Variants in CECR2 observed in about 807,000 individuals in gnomAD.
CECR2 encodes the protein CECR2 histone acetyl-lysine reader.
In CECR2, 30 loss-of-function variants were observed where a neutral mutation model predicts 154.5. The observed-to-expected ratio is 0.19, with a 90% CI of 0.15 to 0.26. CECR2 has a LOEUF of 0.26. Ranked by LOEUF, CECR2 falls within the 10% of genes least tolerant of loss-of-function variation. CECR2 has a pLI of 1.00. For missense variants in CECR2, 1,743 were observed against 1,829.3 expected (o/e 0.95, Z 0.86); for synonymous variants, 725 against 683.7 (o/e 1.06, Z -0.94).
chr22:17,528,302 G>A (rs1010794228), intron 9 of CECR2, among the ~76,000 whole-genome samples: 1 of 152,144 alleles, frequency 6.6e-6, no homozygotes, highest in Admixed American at 6.6e-5. Context: ...AATAAGACAG[G>A]CACAGAAAGA....
At chr22:17,534,919 G>A (rs1430746796) in intron 9 of CECR2, among the ~76,000 whole-genome samples, 3 of 150,546 alleles carry the variant, frequency 2.0e-5, no homozygotes, top group Non-Finnish European at 4.4e-5. Flanking sequence ...GGGAGGTCGA[G>A]GCAGGTGGAT....
rs200209263 is a variant in CECR2, at chr22:17,401,526, AC to A, written c.126+31618del. ...TGACCCCCCCAATCTGCTTTCTGTT[AC>A]TGTATGTTAGTTTACATTTCCTAGA... On this transcript the variant is annotated intron_variant, in intron 1 of 18. Coordinates refer to ENST00000262608, the MANE Select transcript of CECR2 (RefSeq NM_001290047.2). Among the ~76,000 whole-genome samples the A allele has an allele frequency of 5.6e-3, 847 of 150,210 alleles. 18 individuals carry two copies. Among genetic ancestry groups the A allele is most frequent in the African/African-American group, 0.02 (812 of 40,742 alleles).
chr22:17,420,691 G>A (rs183694066), intron 1 of CECR2, among the ~76,000 whole-genome samples: 24 of 152,138 alleles, frequency 1.6e-4, no homozygotes, highest in South Asian at 2.1e-4. Flanking sequence ...AAAAAATGAG[G>A]TTGTGTTATG....
intron 1 of CECR2, among the ~76,000 whole-genome samples, chr22:17,406,994 T>C (rs1601302255): frequency 6.6e-6 from 1 of 152,206 alleles, no homozygotes; most frequent in Admixed American, 6.5e-5. Flanking sequence ...GGGAAGCACC[T>C]TGTATAAGAA....
rs905239082 is a variant in CECR2, at chr22:17,557,295, C to G, written c.*4455C>G. On this transcript the variant is annotated 3_prime_UTR_variant, in exon 19 of 19. Coordinates refer to ENST00000262608, the MANE Select transcript of CECR2 (RefSeq NM_001290047.2). The stretch of plus-strand genomic sequence containing the variant: ...TCCCAAGTAGCTGGGACTACAAGCG[C>G]GCACCACCACTCCCAGCTAATTTTT... 6.6e-6 allele frequency: 1 copy of G among 151,944 alleles called. No individual in the cohort carries two copies. The allele number at this position is 151,944 out of a possible 1,614,324, so 9.4% of individuals were successfully genotyped here. A position where few individuals can be genotyped will look rare whatever the true frequency, so the allele number is the denominator to read the frequency against.
Position 17,457,388 on chromosome 22 carries a change from A to G in CECR2, c.127-20200A>G, listed in dbSNP as rs542489953. 3.3e-5 allele frequency among the ~76,000 whole-genome samples: 5 copies of G among 152,296 alleles called. No homozygotes were observed. The South Asian group carries it at 1.0e-3, about 32-fold the overall frequency. On this transcript the variant is annotated intron_variant, in intron 1 of 18. Transcript: ENST00000262608. ...CTTTCTGAACTAATAGGGTCTTGGA[A>G]TCTAGCTCAATTCTATTTTCTTGTG...
chr22:17,491,505 T>G (rs2055528418), intron 2 of CECR2, among the ~76,000 whole-genome samples: 1 of 151,226 alleles, frequency 6.6e-6, no homozygotes, highest in African/African-American at 2.4e-5. Flanking sequence ...TTTAATGCTT[T>G]CTTTTAGGCA....
At chr22:17,469,880 A>G (rs1341370852) in intron 1 of CECR2, among the ~76,000 whole-genome samples, 1 of 152,154 alleles carries the variant, frequency 6.6e-6, no homozygotes, top group Non-Finnish European at 1.5e-5. Flanking sequence ...CGTGGCGTCC[A>G]TCACATTGCA....
At chr22:17,445,526 C>T in intron 1 of CECR2, among the ~76,000 whole-genome samples, 1 of 148,594 alleles carries the variant, frequency 6.7e-6, no homozygotes, top group Admixed American at 6.8e-5. Context: ...ATAACCTATG[C>T]ACATTCTGCT....
intron 7 of CECR2, among the ~76,000 whole-genome samples, chr22:17,506,862 G>A (rs1276840285): frequency 2.0e-5 from 3 of 152,066 alleles, no homozygotes; most frequent in Non-Finnish European, 2.9e-5. Context: ...CGCTGTGTTG[G>A]CCAGGCTGGT....
chr22:17,422,836 T>C (rs2054276930), intron 1 of CECR2, among the ~76,000 whole-genome samples: 1 of 152,196 alleles, frequency 6.6e-6, no homozygotes, highest in Admixed American at 6.5e-5. Context: ...GTCACCATGC[T>C]TTGCTCTCTG....
intron 1 of CECR2, among the ~76,000 whole-genome samples, chr22:17,469,247 G>A (rs1415141326): frequency 1.3e-5 from 2 of 151,998 alleles, no homozygotes; most frequent in South Asian, 4.2e-4. Context: ...CAGGCTCTGT[G>A]TTATGTGCTG....
At chr22:17,403,810 T>TA (rs1457704170) in intron 1 of CECR2, among the ~76,000 whole-genome samples, 5 of 146,842 alleles carry the variant, frequency 3.4e-5, no homozygotes, top group African/African-American at 1.2e-4. Context: ...GTTTGTTTCT[T>TA]ACATTTTCTT....
chr22:17,432,408 T>C (rs2054439316), intron 1 of CECR2, among the ~76,000 whole-genome samples: 1 of 152,248 alleles, frequency 6.6e-6, no homozygotes, highest in African/African-American at 2.4e-5. Context: ...TACTTTTTGG[T>C]TATTATCCAT....
Position 17,412,844 on chromosome 22 carries a change from TTC to T in CECR2, c.126+42938_126+42939del, listed in dbSNP as rs373044936. Reference sequence around the variant, plus strand: ...CATCGTGCAGAGCCGCCCCTTTCCTTTCTCGTGGCAGTGCGGGTGCGGCCAGT... The same window carrying T: ...CATCGTGCAGAGCCGCCCCTTTCCTTTCGTGGCAGTGCGGGTGCGGCCAGT... On this transcript the variant is annotated intron_variant, in intron 1 of 18. Transcript: ENST00000262608. Among the ~76,000 whole-genome samples the T allele has an allele frequency of 2.8e-4, 42 of 152,276 alleles. No individual in the cohort carries two copies. In the East Asian group the frequency reaches 8.1e-3, roughly 29 times the overall value.
chr22:17,402,760 T>C (rs1242745360), intron 1 of CECR2, among the ~76,000 whole-genome samples: 22 of 148,052 alleles, frequency 1.5e-4, no homozygotes, highest in South Asian at 6.5e-4. Flanking sequence ...TCTTCTTTTT[T>C]TTTTTTTTTT....
chr22:17,481,410 A>G (rs1158093975), intron 2 of CECR2, among the ~76,000 whole-genome samples: 1 of 151,924 alleles, frequency 6.6e-6, no homozygotes, highest in East Asian at 1.9e-4. Flanking sequence ...ATAAAATGGA[A>G]TTAGTGACAA....
chr22:17,412,555 C>T (rs182562372), intron 1 of CECR2, among the ~76,000 whole-genome samples: 7 of 152,234 alleles, frequency 4.6e-5, no homozygotes, highest in South Asian at 4.1e-4. Context: ...GGGCTGTCTC[C>T]GCCCTCCTAC....
At chr22:17,494,321 G>A (rs1429398931) in intron 2 of CECR2, among the ~76,000 whole-genome samples, 1 of 152,166 alleles carries the variant, frequency 6.6e-6, no homozygotes. Context: ...CAAAGTGCTG[G>A]GATTACAGGC....
Sources: gnomAD v4.1 joint callset for allele counts (sites outside exome capture counted in the v4.1 genomes callset) on GRCh38, gnomAD v4.1.1 for gene constraint, MANE v1.5 for transcripts, NCBI Gene and HGNC (gene_info 2026-07-23, HGNC 2026-07-21) for gene names.